NCOA1: variants seen among roughly 807,000 people sequenced by gnomAD.
The protein encoded by NCOA1 is Hin-2 protein.
A neutral mutation model predicts 150.9 loss-of-function variants in NCOA1; 35 were observed. That is an observed-to-expected ratio of 0.23 (90% CI 0.18 to 0.31). The LOEUF (loss-of-function observed/expected upper bound fraction) is 0.31, where lower values mean the gene tolerates loss of function less well. Ranked by LOEUF, NCOA1 falls within the 10% of genes least tolerant of loss-of-function variation. The probability of loss-of-function intolerance (pLI) is 1.00; values close to 1 mark genes in which losing one functional copy is unlikely to be tolerated. For synonymous variants in NCOA1, 590 were observed against 630.0 expected (o/e 0.94, Z 0.95); for missense variants, 1,491 against 1,749.3 (o/e 0.85, Z 2.63).
At chr2:24,746,325 C>A (rs1027369239) in intron 19 of NCOA1, among the ~76,000 whole-genome samples, 1 of 152,088 alleles carries the variant, frequency 6.6e-6, no homozygotes, top group Non-Finnish European at 1.5e-5. Context: ...GGTGGATTAC[C>A]TGAGGTCAGG....
Position 24,599,932 on chromosome 2 carries a change from T to C in NCOA1, c.-175+15372T>C, listed in dbSNP as rs544460637. Among the ~76,000 whole-genome samples, 8 of 152,196 alleles carry C rather than the reference T, an allele frequency of 5.3e-5. 1 individual carries two copies. Among genetic ancestry groups the C allele is most frequent in the South Asian group, 2.1e-4 (1 of 4,832 alleles). On this transcript the variant is annotated intron_variant, in intron 3 of 22. Coordinates refer to ENST00000348332, the MANE Select transcript of NCOA1 (RefSeq NM_003743.5). ...TTTTAGTAGAGATGGGGTTTCACCA[T>C]GTTGGCCAGGTTGGTCTCGAACTCC... is the stretch of plus-strand genomic sequence containing the variant.
Position 24,707,692 on chromosome 2 carries a change from AAG to A in NCOA1, c.2224_2225del (p.Glu742IlefsTer13), listed in dbSNP as rs1209702303. 1 of 1,614,222 alleles carries A rather than the reference AAG, an allele frequency of 6.2e-7. No homozygotes were observed. The highest frequency in any genetic ancestry group is 1.7e-5 in the Admixed American group (1 of 60,034). On this transcript the variant is annotated frameshift_variant, in exon 13 of 23. Transcript: ENST00000348332. LOFTEE classifies it high-confidence loss of function. The stretch of plus-strand genomic sequence containing the variant: ...CTAGAACTGGATGCTTCAAAGAAAA[AAG>A]AATCAAAAGACCATCAGCTCCTACG...
intron 21 of NCOA1, among the ~76,000 whole-genome samples, chr2:24,762,218 C>G (rs1015352008): frequency 2.6e-5 from 4 of 152,210 alleles, no homozygotes; most frequent in African/African-American, 9.6e-5. Context: ...TTGCCTTTGT[C>G]TAATGTCTTC....
At chr2:24,688,025 G>A (rs1235850333) in intron 8 of NCOA1, among the ~76,000 whole-genome samples, 5 of 152,118 alleles carry the variant, frequency 3.3e-5, no homozygotes, top group Non-Finnish European at 5.9e-5. Flanking sequence ...CTGTTCCTGC[G>A]TTAGTTTGCT....
Position 24,693,356 on chromosome 2 carries a change from T to A in NCOA1, c.808+9T>A, listed in dbSNP as rs1286793891. The A allele has an allele frequency of 1.2e-6, 2 of 1,605,954 alleles. No homozygotes were observed. The highest frequency in any genetic ancestry group is 1.1e-5 in the South Asian group (1 of 90,924). The stretch of plus-strand genomic sequence containing the variant: ...CAAGCAAGATACTACAGGTACTAAT[T>A]GTAAAGTTCAGAATGTTCCATAGGT... On this transcript the variant is annotated intron_variant, in intron 10 of 22. Transcript: ENST00000348332.
At chr2:24,522,852 C>G (rs1376831603) in intron 1 of NCOA1, among the ~76,000 whole-genome samples, 1 of 152,110 alleles carries the variant, frequency 6.6e-6, no homozygotes, top group Non-Finnish European at 1.5e-5. Flanking sequence ...AGAGGTAATA[C>G]ATTTAGATTG....
In NCOA1 at chr2:24,497,321, T is replaced by TC. The variant is rs556399307; in HGVS notation, c.-396+5720dup. Among the ~76,000 whole-genome samples the TC allele has an allele frequency of 2.9e-3, 448 of 152,114 alleles. 2 individuals are homozygous for TC. The Middle Eastern group carries it at 0.037, about 13-fold the overall frequency. ...ACCTGTGTTGTGGAGACTCCTGCAG[T>TC]CTTGTTCCTTTCTGATGACCCGGGA... On this transcript the variant is annotated intron_variant, in intron 1 of 22. Transcript: ENST00000348332.
chr2:24,698,018 CTCAT>C (rs924682528), intron 11 of NCOA1, among the ~76,000 whole-genome samples: 16 of 152,112 alleles, frequency 1.1e-4, no homozygotes, highest in Admixed American at 3.3e-4. Flanking sequence ...GTGGTGGTCA[CTCAT>C]TCATTCATTC....
At chr2:24,549,064 C>G (rs1665722694) in intron 1 of NCOA1, among the ~76,000 whole-genome samples, 1 of 152,208 alleles carries the variant, frequency 6.6e-6, no homozygotes, top group South Asian at 2.1e-4. Flanking sequence ...AACAGAGGTT[C>G]TCTATGAGAG....
intron 3 of NCOA1, among the ~76,000 whole-genome samples, chr2:24,604,612 C>T (rs971500302): frequency 1.3e-5 from 2 of 152,166 alleles, no homozygotes; most frequent in African/African-American, 2.4e-5. Context: ...TTCTTCATCT[C>T]GCTGTCTTCA....
At chr2:24,667,772 G>A (rs1184680715) in intron 6 of NCOA1, among the ~76,000 whole-genome samples, 2 of 152,044 alleles carry the variant, frequency 1.3e-5, no homozygotes, top group Non-Finnish European at 2.9e-5. Flanking sequence ...CCTTCTGTCT[G>A]GAATGCTCTG....
chr2:24,691,164 C>A, intron 8 of NCOA1, among the ~76,000 whole-genome samples: 1 of 152,146 alleles, frequency 6.6e-6, no homozygotes, highest in East Asian at 1.9e-4. Context: ...CTGAAAAACT[C>A]ATTAACTGCT....
chr2:24,735,457 C>T (rs1663249464), intron 17 of NCOA1, among the ~76,000 whole-genome samples: 1 of 152,042 alleles, frequency 6.6e-6, no homozygotes, highest in African/African-American at 2.4e-5. Flanking sequence ...AACGGGTGTA[C>T]TCAGATATAC....
chr2:24,664,335 T>A (rs971525384), intron 5 of NCOA1, among the ~76,000 whole-genome samples: 7 of 152,262 alleles, frequency 4.6e-5, no homozygotes, highest in African/African-American at 1.7e-4. Context: ...TTTGTGTAGG[T>A]AAATACATTT....
intron 4 of NCOA1, among the ~76,000 whole-genome samples, chr2:24,648,262 G>T (rs760693354): frequency 6.7e-6 from 1 of 148,666 alleles, no homozygotes; most frequent in Non-Finnish European, 1.5e-5. Flanking sequence ...GGTCAGTGAA[G>T]ATTGGCTCAT....
At chr2:24,737,689 C>T (rs1177786491) in intron 17 of NCOA1, among the ~76,000 whole-genome samples, 1 of 152,182 alleles carries the variant, frequency 6.6e-6, no homozygotes, top group Non-Finnish European at 1.5e-5. Context: ...TCCCTGTCTT[C>T]ATCCCTAGAC....
At chr2:24,737,835 A>G (rs963229214) in intron 17 of NCOA1, among the ~76,000 whole-genome samples, 11 of 152,178 alleles carry the variant, frequency 7.2e-5, no homozygotes, top group Admixed American at 4.6e-4. Context: ...GAATTTGCTC[A>G]CCTTTGTAAC....
chr2:24,611,495 G>T (rs570469337), intron 3 of NCOA1, among the ~76,000 whole-genome samples: 2 of 152,226 alleles, frequency 1.3e-5, no homozygotes, highest in African/African-American at 4.8e-5. Flanking sequence ...TGGTAGTTCT[G>T]TTGTAAGTTA....
intron 22 of NCOA1, among the ~76,000 whole-genome samples, chr2:24,766,970 T>G (rs896687982): frequency 1.3e-5 from 2 of 151,902 alleles, no homozygotes; most frequent in Non-Finnish European, 2.9e-5. Flanking sequence ...AGAAAAGCAG[T>G]GCAAATCTAA....
Sources: gnomAD v4.1 joint callset for allele counts (sites outside exome capture counted in the v4.1 genomes callset) on GRCh38, gnomAD v4.1.1 for gene constraint, MANE v1.5 for transcripts, NCBI Gene and HGNC (gene_info 2026-07-23, HGNC 2026-07-21) for gene names.